Variants in GNA14 observed in about 807,000 individuals in gnomAD.
The protein encoded by GNA14 is G protein subunit alpha 14, also known as guanine nucleotide-binding protein subunit alpha-14.
GNA14 carries 50 observed loss-of-function variants against 42.0 expected under a neutral mutation model. The observed-to-expected ratio is 1.19, with a 90% CI of 0.95 to 1.51. The LOEUF (loss-of-function observed/expected upper bound fraction) is 1.51, where lower values mean the gene tolerates loss of function less well. Among genes scored for constraint, GNA14 ranks in the 40% most tolerant of loss-of-function variants. GNA14 has a pLI of 0.00. For synonymous variants in GNA14, 173 were observed against 163.1 expected, an observed-to-expected ratio of 1.06 and a Z score of -0.46; for missense variants, 473 against 446.2, an observed-to-expected ratio of 1.06 and a Z score of -0.54.
At chr9:77,623,931 C>T (rs1344073579) in intron 1 of GNA14, among the ~76,000 whole-genome samples, 2 of 152,154 alleles carry the variant, frequency 1.3e-5, no homozygotes, top group African/African-American at 2.4e-5. Flanking sequence ...CGTTCACTCC[C>T]CTGGAAAAGG....
In GNA14 at chr9:77,648,289, A is replaced by C; in HGVS notation, c.-496T>G. The C allele has an allele frequency of 5.6e-6, 1 of 178,474 alleles. No individual in the cohort carries two copies. Among genetic ancestry groups the C allele is most frequent in the Non-Finnish European group, 1.2e-5 (1 of 86,318 alleles). The allele number at this position is 178,474 out of a possible 1,614,324, so 11.1% of individuals were successfully genotyped here. On this transcript the variant is annotated 5_prime_UTR_variant, in exon 1 of 7. Coordinates refer to ENST00000341700, the MANE Select transcript of GNA14 (RefSeq NM_004297.4). ...GGCCTTTGCCTGGAAAGTTCTGAAA[A>C]CCTCAGCAGTGACCGCAGACTAAGA...
At chr9:77,586,889 C>A (rs1328835998) in intron 1 of GNA14, among the ~76,000 whole-genome samples, 5 of 152,032 alleles carry the variant, frequency 3.3e-5, no homozygotes, top group Non-Finnish European at 7.4e-5. Flanking sequence ...CCAGGTAGCA[C>A]TTTCCTATTG....
At chr9:77,488,169 C>T (rs967911240) in intron 2 of GNA14, among the ~76,000 whole-genome samples, 2 of 152,164 alleles carry the variant, frequency 1.3e-5, no homozygotes, top group Non-Finnish European at 2.9e-5. Context: ...GGATATATTT[C>T]CTAGGGGCAC....
intron 2 of GNA14, among the ~76,000 whole-genome samples, chr9:77,489,206 C>A (rs188911448): frequency 6.6e-6 from 1 of 151,384 alleles, no homozygotes; most frequent in Non-Finnish European, 1.5e-5. Flanking sequence ...CAAAGACAGG[C>A]GGTGTGAAAA....
chr9:77,603,967 A>C (rs541800138), intron 1 of GNA14, among the ~76,000 whole-genome samples: 1,639 of 149,136 alleles, frequency 0.011, 33 homozygotes, highest in African/African-American at 0.031. Context: ...AAAAAAAAAA[A>C]AAAAAAAAAA....
intron 1 of GNA14, among the ~76,000 whole-genome samples, chr9:77,555,774 G>A (rs1454037237): frequency 1.3e-5 from 2 of 152,304 alleles, no homozygotes; most frequent in African/African-American, 4.8e-5. Context: ...CCAAATGCCT[G>A]AACAAAATGT....
chr9:77,586,779 G>C (rs1489812145), intron 1 of GNA14, among the ~76,000 whole-genome samples: 2 of 152,146 alleles, frequency 1.3e-5, no homozygotes, highest in Non-Finnish European at 2.9e-5. Flanking sequence ...ATGCAGATAG[G>C]TTCTCTACCT....
intron 1 of GNA14, among the ~76,000 whole-genome samples, chr9:77,550,769 G>C (rs2131781504): frequency 6.6e-6 from 1 of 152,212 alleles, no homozygotes; most frequent in East Asian, 1.9e-4. Context: ...AGATGGGCTT[G>C]ACAAGGCTTT....
intron 3 of GNA14, among the ~76,000 whole-genome samples, chr9:77,432,753 C>T (rs982414650): frequency 3.3e-5 from 5 of 152,152 alleles, no homozygotes; most frequent in East Asian, 1.9e-4. Context: ...CAGGGTTACA[C>T]TGAATTCTGT....
At chr9:77,512,161 A>AC (rs1247693605) in intron 2 of GNA14, among the ~76,000 whole-genome samples, 1 of 151,936 alleles carries the variant, frequency 6.6e-6, no homozygotes, top group Non-Finnish European at 1.5e-5. Flanking sequence ...ACAGGCATGT[A>AC]CACAAAAATA....
Position 77,616,744 on chromosome 9 carries a change from T to A in GNA14, c.124+30926A>T, listed in dbSNP as rs141793815. On this transcript the variant is annotated intron_variant, in intron 1 of 6. Transcript: ENST00000341700. ...TCCAAAGAAAAGCATCAAAAAGGCC[T>A]CATCCTTATCCTGAGTCCATGCCTT... 2.2e-4 allele frequency among the ~76,000 whole-genome samples: 33 copies of A among 152,344 alleles called. No homozygotes were observed. The East Asian group carries it at 4.6e-3, about 21-fold the overall frequency.
At chr9:77,497,116 A>G (rs1836884918) in intron 2 of GNA14, among the ~76,000 whole-genome samples, 1 of 151,530 alleles carries the variant, frequency 6.6e-6, no homozygotes, top group Non-Finnish European at 1.5e-5. Context: ...CTCGGAGACC[A>G]TTTGTCCTTT....
At position 77,425,635 on chromosome 9, in the gene GNA14, G is replaced by A. The variant is rs1312389841; in HGVS notation, c.804C>T (p.Phe268=). The A allele has an allele frequency of 6.2e-7, 1 of 1,608,174 alleles. No homozygotes were observed. Residue 268 remains phenylalanine (F), a synonymous_variant, in exon 6 of 7, where the codon TTC becomes TTT. Transcript: ENST00000341700. ...CTTCCAAAAGATCCTTCTTGTTCAAGAATAAAATCACAGACGAATTCAGAA... is the reference window on the plus strand; with the variant it reads ...CTTCCAAAAGATCCTTCTTGTTCAAAAATAAAATCACAGACGAATTCAGAA... ...PWFLNSSVIL[F]LNKKDLLEEK...
chr9:77,430,207 G>A (rs72730856), intron 4 of GNA14, among the ~76,000 whole-genome samples: 7,001 of 152,200 alleles, frequency 0.046, 228 homozygotes, highest in Middle Eastern at 0.088. Context: ...TTCAAAGATC[G>A]GAATTTTTCA....
chr9:77,594,827 T>C (rs576385630), intron 1 of GNA14, among the ~76,000 whole-genome samples: 2 of 152,302 alleles, frequency 1.3e-5, no homozygotes, highest in African/African-American at 4.8e-5. Flanking sequence ...TCCGTGTGCA[T>C]GGGAGAGCAG....
intron 2 of GNA14, among the ~76,000 whole-genome samples, chr9:77,506,599 C>T (rs1184584418): frequency 6.6e-6 from 1 of 152,086 alleles, no homozygotes; most frequent in Non-Finnish European, 1.5e-5. Context: ...ACTGCTTGAA[C>T]CCAGGAGGCG....
chr9:77,465,644 T>C (rs1836209285), intron 2 of GNA14, among the ~76,000 whole-genome samples: 1 of 147,460 alleles, frequency 6.8e-6, no homozygotes, highest in Admixed American at 6.9e-5. Flanking sequence ...TTTCAAAACA[T>C]AGCTTTCTAC....
chr9:77,606,536 A>G (rs1480866203), intron 1 of GNA14, among the ~76,000 whole-genome samples: 1 of 152,226 alleles, frequency 6.6e-6, no homozygotes, highest in Non-Finnish European at 1.5e-5. Context: ...AGGAATATAA[A>G]AACTGAAATC....
rs1304212636 is a variant in GNA14, at chr9:77,647,777, C to T, written c.17G>A (p.Cys6Tyr). The change falls in exon 1 of 7, where the codon TGC (cysteine) becomes TAC (tyrosine). Residue 6 changes from cysteine to tyrosine, a missense_variant. Transcript: ENST00000341700. ...CGACTCCTTCTCCTCCGCGGACAGGCAGCAGCAGCCGGCCATGGTGCGCTC... is the reference window on the plus strand; with the variant it reads ...CGACTCCTTCTCCTCCGCGGACAGGTAGCAGCAGCCGGCCATGGTGCGCTC... MAGCCCLSAEEKESQR... is the reference protein window; with the variant it reads MAGCCYLSAEEKESQR... 5 of 1,609,236 alleles carry T rather than the reference C, an allele frequency of 3.1e-6. No homozygotes were observed. The highest frequency in any genetic ancestry group is 1.3e-5 in the African/African-American group (1 of 74,902).
Sources: gnomAD v4.1 joint callset for allele counts (sites outside exome capture counted in the v4.1 genomes callset) on GRCh38, gnomAD v4.1.1 for gene constraint, MANE v1.5 for transcripts, NCBI Gene and HGNC (gene_info 2026-07-23, HGNC 2026-07-21) for gene names.